KIFAP3: variants seen among roughly 807,000 people sequenced by gnomAD.
The protein encoded by KIFAP3 is kinesin associated protein 3, also known as kinesin-associated protein 3.
In KIFAP3, 68 loss-of-function variants were observed where a neutral mutation model predicts 106.5. The ratio of observed to expected loss-of-function variants is 0.64; its 90% CI spans 0.53 to 0.78. The LOEUF (loss-of-function observed/expected upper bound fraction) is 0.78. KIFAP3 is among the 30% of genes least tolerant of loss of function. The probability of loss-of-function intolerance (pLI) is 0.00; values close to 1 mark genes in which losing one functional copy is unlikely to be tolerated. For missense variants in KIFAP3, 780 were observed against 941.8 expected (o/e 0.83, Z 2.25); for synonymous variants, 320 against 311.5 (o/e 1.03, Z -0.29).
intron 9 of KIFAP3, 141 bp downstream of exon 9, chr1:170,024,277 A>C (rs1350234826): frequency 1.4e-5 from 7 of 506,106 alleles, no homozygotes; most frequent in African/African-American, 1.4e-4. Flanking sequence ...TTAATGAAGC[A>C]ATATCAGTGA....
At chr1:169,943,616 T>C (rs969195362) in intron 19 of KIFAP3, among the ~76,000 whole-genome samples, 2 of 152,186 alleles carry the variant, frequency 1.3e-5, no homozygotes, top group African/African-American at 4.8e-5. Context: ...GTAATTTGCA[T>C]TATATTACCT....
intron 17 of KIFAP3, among the ~76,000 whole-genome samples, chr1:169,964,252 GC>G (rs1470472737): frequency 6.6e-6 from 1 of 151,994 alleles, no homozygotes; most frequent in African/African-American, 2.4e-5. Context: ...TAAAGTAACG[GC>G]TCTCTGACAT....
At chr1:169,964,555 T>C (rs901753653) in intron 17 of KIFAP3, among the ~76,000 whole-genome samples, 14 of 152,148 alleles carry the variant, frequency 9.2e-5, no homozygotes, top group African/African-American at 1.9e-4. Flanking sequence ...AGGAGTGATA[T>C]TGGAAGAAGT....
intron 19 of KIFAP3, among the ~76,000 whole-genome samples, chr1:169,923,837 G>A (rs920703479): frequency 1.1e-4 from 17 of 152,210 alleles, no homozygotes; most frequent in African/African-American, 4.1e-4. Context: ...TACAACGCTG[G>A]TTGTAGCAAC....
At chr1:169,923,001 G>T in intron 19 of KIFAP3, 1 of 594,208 alleles carries the variant, frequency 1.7e-6, no homozygotes, top group Non-Finnish European at 2.1e-6. Context: ...GTGCACGCGT[G>T]CTTGTGTGTA....
intron 9 of KIFAP3, among the ~76,000 whole-genome samples, chr1:170,020,549 G>A (rs999282182): frequency 6.6e-6 from 1 of 152,060 alleles, no homozygotes; most frequent in Non-Finnish European, 1.5e-5. Context: ...CAGGGTTCAC[G>A]CCATTCTCCT....
chr1:169,934,823 C>G (rs1432709145), intron 19 of KIFAP3, among the ~76,000 whole-genome samples: 1 of 152,050 alleles, frequency 6.6e-6, no homozygotes, highest in Non-Finnish European at 1.5e-5. Context: ...CAAATTGATT[C>G]AATTTAAAAT....
intron 17 of KIFAP3, among the ~76,000 whole-genome samples, chr1:169,968,346 T>C (rs983679914): frequency 1.3e-5 from 2 of 151,934 alleles, no homozygotes; most frequent in Non-Finnish European, 2.9e-5. Flanking sequence ...TCTTTGTCAC[T>C]GGCTTCCGTC....
intron 9 of KIFAP3, among the ~76,000 whole-genome samples, chr1:170,023,257 T>TA (rs1668944958): frequency 6.6e-6 from 1 of 152,090 alleles, no homozygotes; most frequent in Non-Finnish European, 1.5e-5. Context: ...TCAATAATTA[T>TA]AATTCAAGGT....
intron 19 of KIFAP3, chr1:169,923,062 A>G: frequency 1.0e-6 from 1 of 984,346 alleles, no homozygotes; most frequent in South Asian, 4.7e-5. Context: ...CATATAACAC[A>G]TACTGGTCCA....
At chr1:169,941,444 T>C (rs1571529289) in intron 19 of KIFAP3, among the ~76,000 whole-genome samples, 1 of 152,222 alleles carries the variant, frequency 6.6e-6, no homozygotes, top group South Asian at 2.1e-4. Context: ...ATTGCTTTTA[T>C]GGTAGTTGTC....
intron 17 of KIFAP3, among the ~76,000 whole-genome samples, chr1:169,972,040 T>G (rs1665951750): frequency 6.6e-6 from 1 of 151,832 alleles, no homozygotes; most frequent in Admixed American, 6.6e-5. Context: ...TCCAAAACTA[T>G]GAATAACAGT....
chr1:170,075,345 A>G (rs1300510225), upstream of KIFAP3, among the ~76,000 whole-genome samples: 1 of 152,228 alleles, frequency 6.6e-6, no homozygotes, highest in Admixed American at 6.5e-5. Context: ...CAAATGATAT[A>G]GGTTCATTTA....
In KIFAP3 at chr1:169,923,749, CTG is replaced by C. The variant is rs539941499; in HGVS notation, c.2274-1970_2274-1969del. 1.9e-4 allele frequency among the ~76,000 whole-genome samples: 29 copies of C among 152,348 alleles called. No individual in the cohort carries two copies. The South Asian group carries it at 4.3e-3, about 23-fold the overall frequency. Reference sequence around the variant, plus strand: ...CACAGACGACTTGTTAGCAATATCACTGTAATTCTACCTAAAAGAAGATGGTC... The same window carrying C: ...CACAGACGACTTGTTAGCAATATCACTAATTCTACCTAAAAGAAGATGGTC... On this transcript the variant is annotated intron_variant, in intron 19 of 19. Transcript: ENST00000361580.
At chr1:170,041,539 AC>A in intron 3 of KIFAP3, 1 of 587,286 alleles carries the variant, frequency 1.7e-6, no homozygotes, top group Non-Finnish European at 3.0e-6. Context: ...ATAAAGGGAT[AC>A]CCCTCGTAGG....
chr1:170,001,639 G>A (rs1018743466), intron 10 of KIFAP3, among the ~76,000 whole-genome samples: 2 of 152,080 alleles, frequency 1.3e-5, no homozygotes, highest in African/African-American at 4.8e-5. Context: ...AGTCTATGAG[G>A]AGTTGTGTTC....
chr1:170,065,496 C>G (rs1306060882), intron 1 of KIFAP3, among the ~76,000 whole-genome samples: 1 of 151,366 alleles, frequency 6.6e-6, no homozygotes, highest in Non-Finnish European at 1.5e-5. Context: ...CACCTGTAGT[C>G]CCAGCTACTT....
At chr1:170,053,426 G>A (rs574894855) in intron 2 of KIFAP3, among the ~76,000 whole-genome samples, 3 of 151,956 alleles carry the variant, frequency 2.0e-5, no homozygotes, top group South Asian at 2.1e-4. Flanking sequence ...TTATAAATTC[G>A]ATGCTATTCC....
intron 10 of KIFAP3, among the ~76,000 whole-genome samples, chr1:169,998,395 T>TACACAC (rs1470341374): frequency 1.8e-4 from 15 of 81,338 alleles, no homozygotes; most frequent in African/African-American, 8.9e-4. Flanking sequence ...TATATATATA[T>TACACAC]ATATACACAC....
Sources: gnomAD v4.1 joint callset for allele counts (sites outside exome capture counted in the v4.1 genomes callset) on GRCh38, gnomAD v4.1.1 for gene constraint, MANE v1.5 for transcripts, NCBI Gene and HGNC (gene_info 2026-07-23, HGNC 2026-07-21) for gene names.